Variants in RAB1A observed in about 807,000 individuals in gnomAD.
RAB1A encodes RAB1A, member RAS oncogene family, also known as ras-related protein Rab-1A.
In RAB1A, 2 loss-of-function variants were observed where a neutral mutation model predicts 26.0. The observed-to-expected ratio is 0.08, with a 90% CI of 0.03 to 0.24. RAB1A has a LOEUF of 0.24. Among genes scored for constraint, RAB1A ranks in the 10% least tolerant of loss-of-function variants. RAB1A has a pLI of 1.00. For missense variants in RAB1A, 100 were observed against 247.0 expected (o/e 0.40, Z 3.99); for synonymous variants, 84 against 84.9 (o/e 0.99, Z 0.06).
intron 1 of RAB1A, among the ~76,000 whole-genome samples, chr2:65,127,705 C>T (rs1179894713): frequency 6.6e-6 from 1 of 152,124 alleles, no homozygotes; most frequent in African/African-American, 2.4e-5. Context: ...CCAGCCTGGG[C>T]AACAAGATTG....
At chr2:65,120,872 T>C (rs111477069) in intron 1 of RAB1A, among the ~76,000 whole-genome samples, 1 of 152,176 alleles carries the variant, frequency 6.6e-6, no homozygotes, top group Non-Finnish European at 1.5e-5. Context: ...TCCATCATTG[T>C]TCTTGGAAAA....
intron 1 of RAB1A, among the ~76,000 whole-genome samples, chr2:65,122,253 A>C (rs1187089883): frequency 6.6e-6 from 1 of 150,738 alleles, no homozygotes; most frequent in Non-Finnish European, 1.5e-5. Context: ...GTTTTTCTTC[A>C]TCTTAAGACA....
chr2:65,104,989 T>G, intron 1 of RAB1A, 183 bp from the exon 2 acceptor site: 1 of 703,712 alleles, frequency 1.4e-6, no homozygotes. Context: ...TCACTAAACA[T>G]GATAAAATTA....
At chr2:65,104,030 G>A (rs192635018) in intron 2 of RAB1A, among the ~76,000 whole-genome samples, 125 of 152,116 alleles carry the variant, frequency 8.2e-4, no homozygotes, top group Non-Finnish European at 1.5e-3. Flanking sequence ...CGCCCGTCTC[G>A]GCCTCCCAAA....
intron 1 of RAB1A, among the ~76,000 whole-genome samples, chr2:65,121,997 A>C (rs908262716): frequency 4.0e-5 from 6 of 151,852 alleles, no homozygotes; most frequent in African/African-American, 1.5e-4. Flanking sequence ...CATCTCTACT[A>C]ATATAAAAAT....
chr2:65,116,559 T>G (rs944946228), intron 1 of RAB1A, among the ~76,000 whole-genome samples: 1 of 152,236 alleles, frequency 6.6e-6, no homozygotes, highest in Non-Finnish European at 1.5e-5. Context: ...TAGCACATAC[T>G]GTCTGGCACA....
chr2:65,108,873 A>G (rs1055940169), intron 1 of RAB1A, among the ~76,000 whole-genome samples: 1 of 152,226 alleles, frequency 6.6e-6, no homozygotes, highest in Non-Finnish European at 1.5e-5. Context: ...AAGCCATTAT[A>G]AATAATATGA....
rs1423132840 is a variant in RAB1A, at chr2:65,087,296, A to G, written c.*1197T>C. The G allele has an allele frequency of 6.6e-6, 1 of 152,668 alleles. No homozygotes were observed. Among genetic ancestry groups the G allele is most frequent in the African/African-American group, 2.4e-5 (1 of 41,466 alleles). The allele number at this position is 152,668 out of a possible 1,614,324, so 9.5% of individuals were successfully genotyped here. A position where few individuals can be genotyped will look rare whatever the true frequency, so the allele number is the denominator to read the frequency against. ...CACCAAAATAAATACATTTGCCTCAATTATCATTACCACCCAGTATTCATG... is the reference window on the plus strand; with the variant it reads ...CACCAAAATAAATACATTTGCCTCAGTTATCATTACCACCCAGTATTCATG... On this transcript the variant is annotated 3_prime_UTR_variant, in exon 6 of 6. Transcript: ENST00000409784.
chr2:65,120,553 T>C lies in RAB1A; in HGVS notation c.23+9340A>G, dbSNP rs140804081. Among the ~76,000 whole-genome samples, 28 of 152,078 alleles carry C rather than the reference T, an allele frequency of 1.8e-4. No homozygotes were observed. The East Asian group carries it at 4.8e-3, about 26-fold the overall frequency. On this transcript the variant is annotated intron_variant, in intron 1 of 5. Transcript: ENST00000409784. Reference sequence around the variant, plus strand: ...TCAGATTTTCACATTTTAATATTGATAATGATAGTTAACATTCTCTTTTCT... The same window carrying C: ...TCAGATTTTCACATTTTAATATTGACAATGATAGTTAACATTCTCTTTTCT...
At chr2:65,091,680 C>A (rs897696655) in intron 3 of RAB1A, among the ~76,000 whole-genome samples, 3 of 152,124 alleles carry the variant, frequency 2.0e-5, no homozygotes, top group African/African-American at 7.2e-5. Flanking sequence ...CACATGCCAC[C>A]ACACCCGGCT....
intron 1 of RAB1A, among the ~76,000 whole-genome samples, chr2:65,119,863 A>AAAC (rs1287984461): frequency 6.7e-6 from 1 of 149,032 alleles, no homozygotes; most frequent in Non-Finnish European, 1.5e-5. Context: ...AAAAAAAAAA[A>AAAC]AAATTAATTA....
At chr2:65,116,033 C>A (rs918567147) in intron 1 of RAB1A, among the ~76,000 whole-genome samples, 2 of 151,898 alleles carry the variant, frequency 1.3e-5, no homozygotes, top group African/African-American at 4.8e-5. Context: ...GTGGGCACCT[C>A]CAGTCCCAGC....
At chr2:65,105,270 T>A in intron 1 of RAB1A, 1 of 207,676 alleles carries the variant, frequency 4.8e-6, no homozygotes, top group Non-Finnish European at 9.9e-6. Context: ...TTTGGGAGGC[T>A]GAGGCAGGCA....
intron 1 of RAB1A, among the ~76,000 whole-genome samples, chr2:65,112,483 A>G (rs1309607019): frequency 6.6e-6 from 1 of 152,158 alleles, no homozygotes; most frequent in Non-Finnish European, 1.5e-5. Context: ...GAGACATTTC[A>G]TGTTTTCTCA....
At chr2:65,114,072 G>A in intron 1 of RAB1A, 1 of 393,052 alleles carries the variant, frequency 2.5e-6, no homozygotes, top group Middle Eastern at 3.8e-4. Context: ...GGTAGAGTAG[G>A]TCAGGTTGTA....
At chr2:65,122,132 G>A (rs1669975342) in intron 1 of RAB1A, among the ~76,000 whole-genome samples, 1 of 133,338 alleles carries the variant, frequency 7.5e-6, no homozygotes, top group Non-Finnish European at 1.5e-5. Flanking sequence ...CTCCAGCCTG[G>A]GTGACAGAGC....
At chr2:65,096,042 A>C (rs930434053) in intron 3 of RAB1A, among the ~76,000 whole-genome samples, 2 of 152,136 alleles carry the variant, frequency 1.3e-5, no homozygotes, top group Non-Finnish European at 2.9e-5. Flanking sequence ...AATCCCAGCT[A>C]CTCAGGAGGC....
intron 4 of RAB1A, among the ~76,000 whole-genome samples, chr2:65,089,922 C>G (rs989068044): frequency 6.6e-6 from 1 of 152,162 alleles, no homozygotes; most frequent in Non-Finnish European, 1.5e-5. Context: ...AGGCTAGTCT[C>G]TAACTCCTGA....
At chr2:65,122,155 CAAAAAAAAA>C (rs57590844) in intron 1 of RAB1A, among the ~76,000 whole-genome samples, 3,952 of 31,288 alleles carry the variant, frequency 0.13, 173 homozygotes, top group African/African-American at 0.28. Context: ...GACTCTATCT[CAAAAAAAAA>C]AAAAAAAAAA....
Sources: allele counts gnomAD v4.1 joint callset (sites outside exome capture counted in the v4.1 genomes callset), GRCh38; gene constraint gnomAD v4.1.1; transcripts MANE v1.5; gene names NCBI Gene and HGNC (gene_info 2026-07-23, HGNC 2026-07-21).